The following EPHA7 variants were observed in gnomAD, a reference collection of about 807,000 sequenced individuals.
EPHA7 encodes the protein ephrin type-A receptor 7.
In EPHA7, 25 loss-of-function variants were observed where a neutral mutation model predicts 112.6. That is an observed-to-expected ratio of 0.22 (90% confidence interval 0.16 to 0.31). EPHA7 has a LOEUF of 0.31. Among genes scored for constraint, EPHA7 ranks in the 10% least tolerant of loss-of-function variants. EPHA7 has a pLI of 1.00. For missense variants in EPHA7, 962 were observed against 1,212.6 expected (o/e 0.79, Z 3.07); for synonymous variants, 437 against 406.5 (o/e 1.07, Z -0.90).
chr6:93,281,228 A>G (rs1005069787), intron 5 of EPHA7, among the ~76,000 whole-genome samples: 1 of 152,180 alleles, frequency 6.6e-6, no homozygotes, highest in African/African-American at 2.4e-5. Context: ...ATGACTACCA[A>G]AATGAGACGA....
intron 5 of EPHA7, among the ~76,000 whole-genome samples, chr6:93,287,681 C>T (rs766052762): frequency 5.2e-4 from 79 of 151,984 alleles, no homozygotes; most frequent in Non-Finnish European, 9.4e-4. Flanking sequence ...TCCTCTCCCT[C>T]CTTCCACCCT....
intron 3 of EPHA7, among the ~76,000 whole-genome samples, chr6:93,360,893 C>G (rs576732302): frequency 6.6e-6 from 1 of 152,172 alleles, no homozygotes; most frequent in Admixed American, 6.5e-5. Flanking sequence ...TCATCATTTA[C>G]TGTTAAAAGA....
intron 14 of EPHA7, among the ~76,000 whole-genome samples, chr6:93,254,238 T>C (rs1770339126): frequency 6.6e-6 from 1 of 152,106 alleles, no homozygotes; most frequent in South Asian, 2.1e-4. Flanking sequence ...TAAAGAATTT[T>C]CTTAGAACAC....
At chr6:93,355,461 C>T (rs949529226) in intron 5 of EPHA7, among the ~76,000 whole-genome samples, 7 of 152,138 alleles carry the variant, frequency 4.6e-5, no homozygotes, top group Non-Finnish European at 8.8e-5. Flanking sequence ...TTTGGGATAA[C>T]ACTGGTTGCT....
chr6:93,254,706 C>T lies in EPHA7; in HGVS notation c.2473G>A (p.Val825Ile). 1 of 1,613,726 alleles carries T rather than the reference C, an allele frequency of 6.2e-7. No homozygotes were observed. Among genetic ancestry groups the T allele is most frequent in the South Asian group, 1.1e-5 (1 of 91,046 alleles). ...CCATAAGACATAACTTCCCACATGA[C>T]TATTCCATAGCTCCATACATCACTG... Reference protein sequence around the residue: ...SASDVWSYGIVMWEVMSYGER... With the variant: ...SASDVWSYGIIMWEVMSYGER... Residue 825 changes from valine (V) to isoleucine (I), a missense_variant, in exon 14 of 17, where the codon GTC (valine) becomes ATC (isoleucine). Transcript: ENST00000369303.
chr6:93,285,458 T>C lies in EPHA7; in HGVS notation c.1325-13036A>G, dbSNP rs538407405. Among the ~76,000 whole-genome samples the C allele has an allele frequency of 7.2e-5, 11 of 152,050 alleles. No homozygotes were observed. The South Asian group carries it at 2.1e-3, about 29-fold the overall frequency. ...AGAAGTAATATCAGAAATAGCAGAT[T>C]GCTAGGCCAGCCAACAAACATGTAT... On this transcript the variant is annotated intron_variant, in intron 5 of 16. Transcript: ENST00000369303.
At chr6:93,315,013 C>A (rs923485247) in intron 5 of EPHA7, among the ~76,000 whole-genome samples, 6 of 149,394 alleles carry the variant, frequency 4.0e-5, no homozygotes, top group African/African-American at 1.5e-4. Flanking sequence ...CAGGCGCCCG[C>A]CACCACGCCC....
In EPHA7 at chr6:93,357,045, T is replaced by C. The variant is rs1582585851; in HGVS notation, c.996A>G (p.Pro332=). ...DPPYVACTRP[P]SAPQNLIFNI... ...TGAAAATGAGGTTCTGTGGTGCAGA[T>C]GGAGGCCCTTGGGAAACCAAGAATA... The change falls in exon 5 of 17, where the codon CCA becomes CCG. Residue 332 remains proline, a synonymous_variant. Transcript: ENST00000369303. The C allele has an allele frequency of 8.7e-6, 14 of 1,606,716 alleles. No individual in the cohort carries two copies. The highest frequency in any genetic ancestry group is 1.2e-5 in the Non-Finnish European group (14 of 1,176,564).
intron 5 of EPHA7, among the ~76,000 whole-genome samples, chr6:93,298,020 A>G (rs1390980003): frequency 1.3e-5 from 2 of 152,206 alleles, no homozygotes; most frequent in African/African-American, 4.8e-5. Context: ...ATTCTTTCAA[A>G]GACATGTTTG....
intron 5 of EPHA7, among the ~76,000 whole-genome samples, chr6:93,294,907 A>T (rs548484877): frequency 1.3e-5 from 2 of 152,150 alleles, no homozygotes; most frequent in East Asian, 1.9e-4. Context: ...TTAAAACCAG[A>T]TTGGCTTGTT....
intron 5 of EPHA7, among the ~76,000 whole-genome samples, chr6:93,315,051 A>T (rs1378400647): frequency 6.7e-6 from 1 of 149,758 alleles, no homozygotes; most frequent in African/African-American, 2.5e-5. Flanking sequence ...TTTAGTAGAG[A>T]CGGGGTTTCA....
At chr6:93,417,526 A>G (rs1245617466) in intron 1 of EPHA7, among the ~76,000 whole-genome samples, 1 of 152,214 alleles carries the variant, frequency 6.6e-6, no homozygotes, top group East Asian at 1.9e-4. Flanking sequence ...CCAGAAGAGC[A>G]AAGAGAACTA....
intron 3 of EPHA7, among the ~76,000 whole-genome samples, chr6:93,409,349 C>T (rs1272118083): frequency 2.0e-5 from 3 of 152,028 alleles, no homozygotes; most frequent in Admixed American, 1.3e-4. Flanking sequence ...ATATTACTAA[C>T]GTAACTGCAA....
intron 5 of EPHA7, among the ~76,000 whole-genome samples, chr6:93,297,243 G>C (rs1484028353): frequency 3.9e-5 from 6 of 151,960 alleles, no homozygotes; most frequent in Non-Finnish European, 8.8e-5. Context: ...ATAGGATACA[G>C]GTTAAAATAA....
At chr6:93,264,937 A>G (rs2127869657) in intron 7 of EPHA7, among the ~76,000 whole-genome samples, 1 of 151,808 alleles carries the variant, frequency 6.6e-6, no homozygotes, top group Admixed American at 6.6e-5. Context: ...TAAATGCCTT[A>G]TTGAATGATT....
intron 3 of EPHA7, among the ~76,000 whole-genome samples, chr6:93,359,074 G>A (rs1776107593): frequency 6.6e-6 from 1 of 152,024 alleles, no homozygotes; most frequent in Non-Finnish European, 1.5e-5. Context: ...TGCACCACCA[G>A]AAACAAGGGG....
intron 3 of EPHA7, among the ~76,000 whole-genome samples, chr6:93,391,023 C>A (rs1047887911): frequency 6.6e-6 from 1 of 151,906 alleles, no homozygotes; most frequent in African/African-American, 2.4e-5. Flanking sequence ...TTCCTAATCC[C>A]CCAATATATT....
rs1554185716 is a variant in EPHA7 at position 93,359,874 on chromosome 6, G to GAT, written c.833-1464_833-1463insAT. On this transcript the variant is annotated intron_variant, in intron 3 of 16. Transcript: ENST00000369303. ...GATGATAGAGAGAGAGAGAGAGAGA[G>GAT]AGATAGATAGATAGATAGATAGATA... Among the ~76,000 whole-genome samples, 335 of 127,924 alleles carry GAT rather than the reference G, an allele frequency of 2.6e-3. 1 individual carries two copies. The highest frequency in any genetic ancestry group is 5.6e-3 in the African/African-American group (191 of 34,002). The allele number at this position is 127,924 out of a possible 152,430, so 83.9% of individuals were successfully genotyped here.
intron 3 of EPHA7, among the ~76,000 whole-genome samples, chr6:93,386,469 G>A (rs919476076): frequency 6.6e-6 from 1 of 152,114 alleles, no homozygotes; most frequent in Non-Finnish European, 1.5e-5. Flanking sequence ...GTAAGAGGGG[G>A]GCTCCCCATT....
Sources: gnomAD v4.1 joint callset for allele counts (sites outside exome capture counted in the v4.1 genomes callset) on GRCh38, gnomAD v4.1.1 for gene constraint, MANE v1.5 for transcripts, NCBI Gene and HGNC (gene_info 2026-07-23, HGNC 2026-07-21) for gene names.